GALNT13: variants seen among roughly 807,000 people sequenced by gnomAD.
The protein encoded by GALNT13 is UDP-GalNAc:polypeptide N-acetylgalactosaminyltransferase 13.
Under a neutral mutation model 64.2 loss-of-function variants are expected in GALNT13, and 28 were observed. That is an observed-to-expected ratio of 0.44 (90% CI 0.32 to 0.60). The LOEUF (loss-of-function observed/expected upper bound fraction) is 0.60. Among genes scored for constraint, GALNT13 ranks in the 20% least tolerant of loss-of-function variants. The probability of loss-of-function intolerance (pLI) is 0.05; values close to 1 mark genes in which losing one functional copy is unlikely to be tolerated. For synonymous variants in GALNT13, 214 were observed against 224.6 expected, an observed-to-expected ratio of 0.95 and a Z score of 0.42; for missense variants, 577 against 669.8, an observed-to-expected ratio of 0.86 and a Z score of 1.53.
chr2:154,211,254 C>T (rs1324615315), intron 4 of GALNT13, among the ~76,000 whole-genome samples: 3 of 152,066 alleles, frequency 2.0e-5, no homozygotes, highest in Admixed American at 6.6e-5. Flanking sequence ...CAAATCTGTA[C>T]AGTGTGTTAC....
At chr2:153,745,452 C>A in the GALNT13 span, among the ~76,000 whole-genome samples, 1 of 152,050 alleles carries the variant, frequency 6.6e-6, no homozygotes, top group Non-Finnish European at 1.5e-5. Context: ...GTTTGGGCAC[C>A]TGATGAATGC....
At chr2:153,597,033 A>T in the GALNT13 span, among the ~76,000 whole-genome samples, 3 of 152,122 alleles carry the variant, frequency 2.0e-5, no homozygotes, top group Non-Finnish European at 4.4e-5. Context: ...CACAGGACAA[A>T]AATCTAAATT....
chr2:153,943,456 C>T (rs1012448902), intron 2 of GALNT13, among the ~76,000 whole-genome samples: 1 of 151,096 alleles, frequency 6.6e-6, no homozygotes, highest in South Asian at 2.1e-4. Context: ...ACAATTTTTT[C>T]TGTTTTATGT....
chr2:153,326,077 G>A, the GALNT13 span, among the ~76,000 whole-genome samples: 1 of 151,134 alleles, frequency 6.6e-6, no homozygotes, highest in Non-Finnish European at 1.5e-5. Flanking sequence ...TCCTTGATCT[G>A]TCTAATATCT....
At chr2:153,197,045 C>T in the GALNT13 span, among the ~76,000 whole-genome samples, 3 of 152,148 alleles carry the variant, frequency 2.0e-5, no homozygotes, top group Non-Finnish European at 1.5e-5. Flanking sequence ...GTCCCCAAGC[C>T]CCAAAGTGAT....
chr2:153,094,710 A>G, the GALNT13 span, among the ~76,000 whole-genome samples: 1 of 152,216 alleles, frequency 6.6e-6, no homozygotes, highest in African/African-American at 2.4e-5. Context: ...ATGGAACAGA[A>G]CAGAGCCCTC....
At chr2:153,906,052 T>G (rs1688537948) in intron 2 of GALNT13, among the ~76,000 whole-genome samples, 1 of 151,892 alleles carries the variant, frequency 6.6e-6, no homozygotes. Context: ...AATTATAAAT[T>G]GTTTATTTCT....
In GALNT13 at chr2:154,196,109, A is replaced by G. The variant is rs147942372; in HGVS notation, c.312-45921A>G. ...CTTTTCTTTCCACTGAGACCTATGAACACAATGTTACCTCTTTACTTCTGG... is the reference window on the plus strand; with the variant it reads ...CTTTTCTTTCCACTGAGACCTATGAGCACAATGTTACCTCTTTACTTCTGG... On this transcript the variant is annotated intron_variant, in intron 4 of 12. Transcript: ENST00000392825. Among the ~76,000 whole-genome samples, 14 of 152,284 alleles carry G rather than the reference A, an allele frequency of 9.2e-5. No individual in the cohort carries two copies. In the East Asian group the frequency reaches 2.5e-3, roughly 27 times the overall value.
intron 3 of GALNT13, among the ~76,000 whole-genome samples, chr2:154,013,338 T>C (rs1024418325): frequency 1.3e-5 from 2 of 151,912 alleles, no homozygotes; most frequent in African/African-American, 4.8e-5. Context: ...CTGTGTCTTC[T>C]GGCCCCTTGA....
the GALNT13 span, among the ~76,000 whole-genome samples, chr2:153,841,913 C>T: frequency 3.2e-4 from 48 of 152,112 alleles, no homozygotes; most frequent in South Asian, 8.3e-4. Context: ...GTACTGTTAG[C>T]GGTTCTCAGG....
the GALNT13 span, among the ~76,000 whole-genome samples, chr2:153,127,234 T>G: frequency 6.6e-6 from 1 of 152,156 alleles, no homozygotes; most frequent in Non-Finnish European, 1.5e-5. Flanking sequence ...AAATCATCAT[T>G]AGGCTTACTA....
intron 4 of GALNT13, among the ~76,000 whole-genome samples, chr2:154,177,959 A>T (rs1377340119): frequency 6.6e-6 from 1 of 152,144 alleles, no homozygotes; most frequent in Non-Finnish European, 1.5e-5. Context: ...TGGCTTCTGA[A>T]CCTTTATGAC....
the GALNT13 span, among the ~76,000 whole-genome samples, chr2:153,722,089 G>T: frequency 6.7e-6 from 1 of 149,136 alleles, no homozygotes; most frequent in Non-Finnish European, 1.5e-5. Flanking sequence ...TAAAAGAACA[G>T]AAATTATAAC....
At chr2:153,697,692 G>A in the GALNT13 span, among the ~76,000 whole-genome samples, 1 of 152,194 alleles carries the variant, frequency 6.6e-6, no homozygotes, top group Non-Finnish European at 1.5e-5. Context: ...CAGAGGTAAT[G>A]GGGTAGAAGC....
At chr2:153,118,147 C>CACATA in the GALNT13 span, among the ~76,000 whole-genome samples, 283 of 140,264 alleles carry the variant, frequency 2.0e-3, 1 homozygote, top group African/African-American at 7.5e-3. Flanking sequence ...ACACACACAC[C>CACATA]CCACATAAAC....
chr2:153,630,253 G>A, the GALNT13 span, among the ~76,000 whole-genome samples: 2 of 151,838 alleles, frequency 1.3e-5, no homozygotes, highest in African/African-American at 4.8e-5. Flanking sequence ...CAACCCAAAT[G>A]TCCAACAATG....
At chr2:153,288,429 C>A in the GALNT13 span, among the ~76,000 whole-genome samples, 6 of 152,182 alleles carry the variant, frequency 3.9e-5, no homozygotes, top group East Asian at 5.8e-4. Flanking sequence ...TGGAAATAAA[C>A]AATTTATAAG....
At chr2:153,994,486 C>T (rs1027605015) in intron 3 of GALNT13, among the ~76,000 whole-genome samples, 10 of 152,180 alleles carry the variant, frequency 6.6e-5, no homozygotes, top group South Asian at 2.1e-4. Flanking sequence ...CTTGAGGAAT[C>T]GCCACACTGT....
intron 4 of GALNT13, among the ~76,000 whole-genome samples, chr2:154,172,735 A>G (rs1408795098): frequency 6.6e-6 from 1 of 151,880 alleles, no homozygotes; most frequent in African/African-American, 2.4e-5. Context: ...TTGATTCCAT[A>G]TGCTATTGTG....
Sources: gnomAD v4.1 joint callset for allele counts (sites outside exome capture counted in the v4.1 genomes callset) on GRCh38, gnomAD v4.1.1 for gene constraint, MANE v1.5 for transcripts, NCBI Gene and HGNC (gene_info 2026-07-23, HGNC 2026-07-21) for gene names.